MSH3: variants seen among roughly 807,000 people sequenced by gnomAD.
The protein encoded by MSH3 is mutS homolog 3, also known as DNA mismatch repair protein Msh3.
In MSH3, 106 loss-of-function variants were observed where a neutral mutation model predicts 123.3. The ratio of observed to expected loss-of-function variants is 0.86; its 90% CI spans 0.73 to 1.01. MSH3 has a LOEUF of 1.01. Among genes scored for constraint, MSH3 ranks in the 50% least tolerant of loss-of-function variants. The pLI is 0.00. For missense variants in MSH3, 1,459 were observed against 1,347.6 expected (o/e 1.08, Z -1.29); for synonymous variants, 515 against 481.4 (o/e 1.07, Z -0.91).
intron 8 of MSH3, among the ~76,000 whole-genome samples, chr5:80,716,215 A>G (rs977446420): frequency 6.6e-6 from 1 of 152,218 alleles, no homozygotes; most frequent in Admixed American, 6.5e-5. Context: ...AAAAAATGCT[A>G]GTTTTCCCTA....
chr5:80,741,431 C>A (rs769077096), intron 10 of MSH3, 33 bp from the exon 11 acceptor site: 5 of 1,361,700 alleles, frequency 3.7e-6, no homozygotes, highest in Non-Finnish European at 5.3e-6. Flanking sequence ...TATGCACTTA[C>A]ATCTAGGCTA....
chr5:80,749,000 CTCTT>C (rs1005721564), intron 12 of MSH3, among the ~76,000 whole-genome samples: 149 of 151,944 alleles, frequency 9.8e-4, no homozygotes, highest in African/African-American at 3.5e-3. Flanking sequence ...TCATGAGTAC[CTCTT>C]TCTTCTACCT....
At chr5:80,840,757 C>G (rs761512018) in intron 20 of MSH3, among the ~76,000 whole-genome samples, 2 of 151,998 alleles carry the variant, frequency 1.3e-5, no homozygotes, top group Non-Finnish European at 2.9e-5. Flanking sequence ...CCCCCTACCC[C>G]TAACAGGCCC....
rs1246048159 is a variant in MSH3 at position 80,788,279 on chromosome 5, C to CA, written c.2543+615dup. ...TGAAATCCCATCTCTACTAAAAATA[C>CA]AAAAAAAATTAGCCGGGTGTGGTAT... On this transcript the variant is annotated intron_variant, in intron 18 of 23. Transcript: ENST00000265081. Among the ~76,000 whole-genome samples the CA allele has an allele frequency of 2.0e-5, 3 of 151,522 alleles. No homozygotes were observed. The East Asian group carries it at 5.8e-4, about 29-fold the overall frequency.
intron 8 of MSH3, among the ~76,000 whole-genome samples, chr5:80,691,727 A>G (rs1219939937): frequency 6.7e-6 from 1 of 149,204 alleles, no homozygotes; most frequent in African/African-American, 2.4e-5. Flanking sequence ...TCAAAACTCA[A>G]AACTTACATA....
chr5:80,809,150 C>T, intron 19 of MSH3, among the ~76,000 whole-genome samples: 1 of 151,664 alleles, frequency 6.6e-6, no homozygotes, highest in African/African-American at 2.4e-5. Flanking sequence ...AAAGGAATTT[C>T]ATATATATTT....
chr5:80,710,637 C>G (rs1750838776), intron 8 of MSH3, among the ~76,000 whole-genome samples: 1 of 152,108 alleles, frequency 6.6e-6, no homozygotes, highest in South Asian at 2.1e-4. Flanking sequence ...AGGAGGTGAG[C>G]CTTGACCTGC....
intron 8 of MSH3, among the ~76,000 whole-genome samples, chr5:80,700,790 G>A (rs1750591123): frequency 6.6e-6 from 1 of 152,188 alleles, no homozygotes; most frequent in Non-Finnish European, 1.5e-5. Context: ...AAAATGGGGT[G>A]TATTTGCAGT....
chr5:80,686,554 C>T (rs990302498), intron 8 of MSH3, among the ~76,000 whole-genome samples: 9 of 152,140 alleles, frequency 5.9e-5, no homozygotes, highest in Middle Eastern at 3.4e-3. Flanking sequence ...TCAAGTGATC[C>T]GCCTGCCTCA....
At chr5:80,721,325 T>A (rs77025140) in intron 8 of MSH3, among the ~76,000 whole-genome samples, 3 of 152,294 alleles carry the variant, frequency 2.0e-5, no homozygotes, top group Non-Finnish European at 4.4e-5. Context: ...CAGGGTAAGA[T>A]TTGTCCTAAA....
In MSH3 at chr5:80,871,781, TAG is replaced by T. The variant is rs1746218897; in HGVS notation, c.3131-1333_3131-1332del. Among the ~76,000 whole-genome samples the T allele has an allele frequency of 2.6e-5, 4 of 152,180 alleles. No homozygotes were observed. In the South Asian group the frequency reaches 8.3e-4, roughly 32 times the overall value. ...ATCACTTTTGCCGTATTCTGTTTGT[TAG>T]AAGTGAGTCACTGGTTAGGAATGAT... On this transcript the variant is annotated intron_variant, in intron 22 of 23. Coordinates refer to ENST00000265081, the MANE Select transcript of MSH3 (RefSeq NM_002439.5).
intron 4 of MSH3, among the ~76,000 whole-genome samples, chr5:80,670,946 C>T (rs893001246): frequency 6.6e-6 from 1 of 151,754 alleles, no homozygotes. Context: ...ATGGTGAAAC[C>T]GCATCTCTAC....
rs1225991320 is a variant in MSH3 at position 80,682,072 on chromosome 5, A to G, written c.1340+2979A>G. Among the ~76,000 whole-genome samples, 9 of 152,296 alleles carry G rather than the reference A, an allele frequency of 5.9e-5. No homozygotes were observed. The East Asian group carries it at 7.7e-4, about 13-fold the overall frequency. On this transcript the variant is annotated intron_variant, in intron 8 of 23. Coordinates refer to ENST00000265081, the MANE Select transcript of MSH3 (RefSeq NM_002439.5). The stretch of plus-strand genomic sequence containing the variant: ...CTTTGATCATTTTCACTTTATTTGC[A>G]TATTGGACTAAGCGAAGTCAAAAGT...
In MSH3 at chr5:80,728,924, C is replaced by T. The variant is rs764435977; in HGVS notation, c.1527C>T (p.Tyr509=). The T allele has an allele frequency of 6.2e-7, 1 of 1,611,590 alleles. No homozygotes were observed. Among genetic ancestry groups the T allele is most frequent in the Middle Eastern group, 1.6e-4 (1 of 6,064 alleles). ...GCTCTTTGGCTGCCATCATAAAATA[C>T]CTCAAAGAATTCAACTTGGAAAAGA... is the stretch of plus-strand genomic sequence containing the variant. ...VICSLAAIIK[Y]LKEFNLEKML... Residue 509 remains tyrosine (Y), a synonymous_variant, in exon 10 of 24, where the codon TAC becomes TAT. Transcript: ENST00000265081.
intron 8 of MSH3, among the ~76,000 whole-genome samples, chr5:80,718,901 G>C (rs183277356): frequency 9.8e-4 from 149 of 152,272 alleles, no homozygotes; most frequent in Non-Finnish European, 1.5e-3. Flanking sequence ...GTTGACCTCT[G>C]TGCCATTTTG....
At position 80,658,037 on chromosome 5, in the gene MSH3, C is replaced by CTTTTTTTTTTTTTTTTTTTTT. The variant is rs397942439; in HGVS notation, c.358+1519_358+1520insTTTTTTTTTTTTTTTTTTTTT. Reference sequence around the variant, plus strand: ...TTTTCCTAAGAATGCTTTTTGCCCTCTTTTTTTTTTTTTGAGATAGGGTCT... The same window carrying CTTTTTTTTTTTTTTTTTTTTT: ...TTTTCCTAAGAATGCTTTTTGCCCTCTTTTTTTTTTTTTTTTTTTTTTTTTTTTTTTTTTGAGATAGGGTCT... On this transcript the variant is annotated intron_variant, in intron 2 of 23. Transcript: ENST00000265081. Among the ~76,000 whole-genome samples the CTTTTTTTTTTTTTTTTTTTTT allele has an allele frequency of 9.4e-5, 11 of 116,620 alleles. 1 individual carries two copies. The highest frequency in any genetic ancestry group is 3.8e-4 in the African/African-American group (11 of 29,074). The allele number at this position is 116,620 out of a possible 152,430, so 76.5% of individuals were successfully genotyped here.
intron 12 of MSH3, chr5:80,746,680 A>G: frequency 3.1e-6 from 1 of 318,138 alleles, no homozygotes; most frequent in African/African-American, 2.2e-5. Flanking sequence ...TGCTGCATTA[A>G]CTTTGGTAGA....
intron 11 of MSH3, among the ~76,000 whole-genome samples, chr5:80,742,515 C>A (rs896046398): frequency 3.3e-5 from 5 of 152,176 alleles, no homozygotes; most frequent in African/African-American, 1.2e-4. Flanking sequence ...ATCATCTGAA[C>A]CATCTGAGTC....
rs570552881 is a variant in MSH3 at position 80,797,862 on chromosome 5, C to T, written c.2655+5018C>T. ...GTCAGTATCTTGGCACCCCTGTCACCTTGTGAGGCAGCCCAGGACTGCTGC... is the reference window on the plus strand; with the variant it reads ...GTCAGTATCTTGGCACCCCTGTCACTTTGTGAGGCAGCCCAGGACTGCTGC... On this transcript the variant is annotated intron_variant, in intron 19 of 23. Transcript: ENST00000265081. Among the ~76,000 whole-genome samples, 30 of 152,278 alleles carry T rather than the reference C, an allele frequency of 2.0e-4. No homozygotes were observed. In the East Asian group the frequency reaches 4.1e-3, roughly 21 times the overall value.
Sources: allele counts gnomAD v4.1 joint callset (sites outside exome capture counted in the v4.1 genomes callset), GRCh38; gene constraint gnomAD v4.1.1; transcripts MANE v1.5; gene names NCBI Gene and HGNC (gene_info 2026-07-23, HGNC 2026-07-21).